The following COL4A2 variants were observed in gnomAD, a reference collection of about 807,000 sequenced individuals.
The protein encoded by COL4A2 is collagen type IV alpha 2 chain, also known as collagen alpha-2(IV) chain.
In COL4A2, 99 loss-of-function variants were observed where a neutral mutation model predicts 200.2. The ratio of observed to expected loss-of-function variants is 0.49; its 90% CI spans 0.42 to 0.58. COL4A2 has a LOEUF of 0.58. Among genes scored for constraint, COL4A2 ranks in the 20% least tolerant of loss-of-function variants. The pLI is 0.00. For synonymous variants in COL4A2, 897 were observed against 900.6 expected, an observed-to-expected ratio of 1.00 and a Z score of 0.07; for missense variants, 1,950 against 2,314.1, an observed-to-expected ratio of 0.84 and a Z score of 3.23.
At chr13:110,449,852 A>G in intron 19 of COL4A2, 63 bp downstream of exon 19, 1 of 1,485,056 alleles carries the variant, frequency 6.7e-7, no homozygotes, top group Non-Finnish European at 9.0e-7. Context: ...GTCCTAGCAC[A>G]CACAAGGGAG....
At chr13:110,423,005 G>T (rs1880313183) in intron 4 of COL4A2, among the ~76,000 whole-genome samples, 1 of 148,838 alleles carries the variant, frequency 6.7e-6, no homozygotes, top group Non-Finnish European at 1.5e-5. Flanking sequence ...TTACCTAGAG[G>T]CAACAGAAGA....
chr13:110,393,765 G>A (rs1879083385), intron 4 of COL4A2, among the ~76,000 whole-genome samples: 2 of 152,070 alleles, frequency 1.3e-5, no homozygotes, highest in South Asian at 4.1e-4. Context: ...TATAATCCCG[G>A]CTACTCAGGA....
chr13:110,430,133 TTTAA>T (rs1880621381), intron 8 of COL4A2, 177 bp downstream of exon 8: 1 of 742,052 alleles, frequency 1.3e-6, no homozygotes, highest in African/African-American at 1.8e-5. Flanking sequence ...CAATCTTATT[TTTAA>T]TTGTGTGTTT....
rs528283665 is a variant in COL4A2 at position 110,392,942 on chromosome 13, C to T, written c.181-31792C>T. ...GCAGGTGGTTGATTTTCATCCTCAC[C>T]ATGTAGAGAATAAGAAGGGAAAAAC... On this transcript the variant is annotated intron_variant, in intron 4 of 47. Coordinates refer to ENST00000360467, the MANE Select transcript of COL4A2 (RefSeq NM_001846.4). 3.3e-5 allele frequency among the ~76,000 whole-genome samples: 5 copies of T among 152,310 alleles called. No homozygotes were observed. In the East Asian group the frequency reaches 9.6e-4, roughly 29 times the overall value.
Position 110,411,916 on chromosome 13 carries a change from A to G in COL4A2, c.181-12818A>G, listed in dbSNP as rs1192974958. On this transcript the variant is annotated intron_variant, in intron 4 of 47. Transcript: ENST00000360467. ...GTTTCCTCACCATAAAATGGGTACA[A>G]TGACAGTACCTACCTCGTAGAGGTT... 3.9e-5 allele frequency among the ~76,000 whole-genome samples: 6 copies of G among 152,332 alleles called. No individual in the cohort carries two copies. In the Middle Eastern group the frequency reaches 0.017, roughly 432 times the overall value.
intron 22 of COL4A2, 183 bp from the exon 23 acceptor site, chr13:110,461,931 C>T: frequency 1.3e-6 from 1 of 794,114 alleles, no homozygotes; most frequent in South Asian, 1.8e-5. Context: ...TGGCCAGTGG[C>T]CCCACACTGG....
In COL4A2 at chr13:110,469,790, T is replaced by G. The variant is rs753963987; in HGVS notation, c.2203+466T>G. Among the ~76,000 whole-genome samples the G allele has an allele frequency of 1.1e-3, 163 of 152,204 alleles. 1 individual carries two copies. Among genetic ancestry groups the G allele is most frequent in the Non-Finnish European group, 2.0e-3 (134 of 68,008 alleles). On this transcript the variant is annotated intron_variant, in intron 28 of 47. Transcript: ENST00000360467. ...CTCTGGTGAGGAGTACCCACTTGCG[T>G]GTCAGCATGCTCTGGAATGCAGCCA...
At chr13:110,417,109 T>C (rs187657130) in intron 4 of COL4A2, among the ~76,000 whole-genome samples, 1 of 152,114 alleles carries the variant, frequency 6.6e-6, no homozygotes, top group East Asian at 1.9e-4. Flanking sequence ...ACCTCCCGAG[T>C]AGCTGGGGCT....
At chr13:110,383,211 C>A (rs1282796622) in intron 4 of COL4A2, among the ~76,000 whole-genome samples, 1 of 152,202 alleles carries the variant, frequency 6.6e-6, no homozygotes, top group East Asian at 1.9e-4. Context: ...ATGGAAGATG[C>A]TGTCAGAACA....
In COL4A2 at chr13:110,374,180, G is replaced by A. The variant is rs1342602132; in HGVS notation, c.180+16628G>A. Among the ~76,000 whole-genome samples the A allele has an allele frequency of 6.6e-5, 10 of 152,086 alleles. No homozygotes were observed. In the East Asian group the frequency reaches 9.6e-4, roughly 15 times the overall value. On this transcript the variant is annotated intron_variant, in intron 4 of 47. Transcript: ENST00000360467. ...TGACAGCTTACGGTGGTCCCGGGGC[G>A]ATGGGAGCACTTTACATCCATTCAC...
intron 3 of COL4A2, among the ~76,000 whole-genome samples, chr13:110,323,931 A>G (rs1170563982): frequency 6.6e-6 from 1 of 152,224 alleles, no homozygotes; most frequent in African/African-American, 2.4e-5. Context: ...CATGGCCCTC[A>G]AAAATGTGCA....
At chr13:110,452,854 G>A (rs1485013283) in intron 20 of COL4A2, among the ~76,000 whole-genome samples, 3 of 151,996 alleles carry the variant, frequency 2.0e-5, no homozygotes, top group Non-Finnish European at 1.5e-5. Flanking sequence ...CCTCCACCTC[G>A]TGGGATCAAG....
At chr13:110,466,194 C>A in intron 26 of COL4A2, 132 bp downstream of exon 26, 3 of 1,075,150 alleles carry the variant, frequency 2.8e-6, no homozygotes, top group Non-Finnish European at 4.0e-6. Context: ...TTCCATGGCA[C>A]AACATAGTGG....
chr13:110,317,454 G>A (rs557088434), intron 3 of COL4A2, among the ~76,000 whole-genome samples: 3 of 152,280 alleles, frequency 2.0e-5, no homozygotes, highest in South Asian at 2.1e-4. Context: ...GAGCAGCCAA[G>A]GCAGAAAAAG....
chr13:110,450,505 CCCGGTCCCAG>C, intron 20 of COL4A2, 51 bp downstream of exon 20: 1 of 1,595,934 alleles, frequency 6.3e-7, no homozygotes, highest in South Asian at 1.1e-5. Context: ...TCAGATGAAG[CCCGGTCCCAG>C]CCGGATGTTA....
chr13:110,411,134 TCTC>T (rs1177612916), intron 4 of COL4A2, among the ~76,000 whole-genome samples: 2 of 152,162 alleles, frequency 1.3e-5, no homozygotes, highest in Non-Finnish European at 2.9e-5. Flanking sequence ...CTACAGGTCT[TCTC>T]AGCCACGACA....
rs112600042 is a variant in COL4A2, at chr13:110,480,599, T to G, written c.2758+209T>G. Among the ~76,000 whole-genome samples, 7,236 of 152,296 alleles carry G rather than the reference T, an allele frequency of 0.048. 556 individuals carry two copies. The highest frequency in any genetic ancestry group is 0.16 in the African/African-American group (6,837 of 41,526). ...TGCTTAGACGCGGGTGGGACCAATG[T>G]GCCTCACAAAGCCAGTTTATGAATT... On this transcript the variant is annotated intron_variant, in intron 31 of 47. Transcript: ENST00000360467.
intron 3 of COL4A2, among the ~76,000 whole-genome samples, chr13:110,309,464 C>T (rs982436102): frequency 2.6e-5 from 4 of 152,238 alleles, no homozygotes; most frequent in African/African-American, 9.6e-5. Flanking sequence ...GAACCAGAAG[C>T]AATGCATGCA....
Position 110,336,523 on chromosome 13 carries a change from G to A in COL4A2, c.100-20949G>A, listed in dbSNP as rs146493986. Reference sequence around the variant, plus strand: ...GGGCTTTCTTTCTGATCCTTACGACGACCTGGCCTAGTAGGCCTCATTTCA... The same window carrying A: ...GGGCTTTCTTTCTGATCCTTACGACAACCTGGCCTAGTAGGCCTCATTTCA... On this transcript the variant is annotated intron_variant, in intron 3 of 47. Coordinates refer to ENST00000360467, the MANE Select transcript of COL4A2 (RefSeq NM_001846.4). Among the ~76,000 whole-genome samples the A allele has an allele frequency of 3.4e-3, 521 of 152,242 alleles. 1 individual carries two copies. Among genetic ancestry groups the A allele is most frequent in the African/African-American group, 0.012 (491 of 41,532 alleles).
Sources: gnomAD v4.1 joint callset for allele counts (sites outside exome capture counted in the v4.1 genomes callset) on GRCh38, gnomAD v4.1.1 for gene constraint, MANE v1.5 for transcripts, NCBI Gene and HGNC (gene_info 2026-07-23, HGNC 2026-07-21) for gene names.